The following ARHGEF40 variants were observed in gnomAD, a reference collection of about 807,000 sequenced individuals.
The protein encoded by ARHGEF40 is Rho guanine nucleotide exchange factor (GEF) 40.
In ARHGEF40, 98 loss-of-function variants were observed where a neutral mutation model predicts 165.9. The ratio of observed to expected loss-of-function variants is 0.59; its 90% CI spans 0.50 to 0.70. ARHGEF40 has a LOEUF of 0.70. Among genes scored for constraint, ARHGEF40 ranks in the 30% least tolerant of loss-of-function variants. ARHGEF40 has a pLI of 0.00. For missense variants in ARHGEF40, 1,815 were observed against 1,968.0 expected (o/e 0.92, Z 1.47); for synonymous variants, 792 against 814.3 (o/e 0.97, Z 0.47).
the ARHGEF40 span, among the ~76,000 whole-genome samples, chr14:21,061,662 G>A: frequency 2.0e-5 from 3 of 152,182 alleles, no homozygotes; most frequent in Non-Finnish European, 2.9e-5. Context: ...ATTTTCCAGT[G>A]GGTAAGTATG....
chr14:21,083,308 G>A (rs781078081), intron 16 of ARHGEF40, among the ~76,000 whole-genome samples: 5 of 151,990 alleles, frequency 3.3e-5, no homozygotes, highest in Admixed American at 2.0e-4. Context: ...TTGGGAGGCC[G>A]AGGCGGGTGG....
At chr14:21,086,786 A>C in intron 19 of ARHGEF40, 2 of 524,022 alleles carry the variant, frequency 3.8e-6, no homozygotes, top group Non-Finnish European at 3.5e-6. Context: ...ATTGGAGAGA[A>C]GAGCCAGATA....
chr14:21,080,854 C>G lies in ARHGEF40; in HGVS notation c.2497-19C>G, dbSNP rs550478396. On this transcript the variant is annotated intron_variant, in intron 12 of 23. Transcript: ENST00000298694. ...CCTAGGAGTGAGGACCAGGTCTGAG[C>G]GCAGCCTCCCTTCTCCAGGAGCGCC... The G allele has an allele frequency of 6.2e-7, 1 of 1,611,132 alleles. No individual in the cohort carries two copies. The highest frequency in any genetic ancestry group is 8.5e-7 in the Non-Finnish European group (1 of 1,178,460).
rs1261222723 is a variant in ARHGEF40 at position 21,089,570 on chromosome 14, G to T, written c.*562G>T. Reference sequence around the variant, plus strand: ...ACTTTGCCTCTAAGGAGCTAGAGTAGTCCTCTGGATTAAGGTGATAAATAA... The same window carrying T: ...ACTTTGCCTCTAAGGAGCTAGAGTATTCCTCTGGATTAAGGTGATAAATAA... On this transcript the variant is annotated 3_prime_UTR_variant, in exon 24 of 24. Coordinates refer to ENST00000298694, the MANE Select transcript of ARHGEF40 (RefSeq NM_018071.5). 2 of 152,648 alleles carry T rather than the reference G, an allele frequency of 1.3e-5. No individual in the cohort carries two copies. The highest frequency in any genetic ancestry group is 4.8e-5 in the African/African-American group (2 of 41,450). 9.5% of individuals were successfully genotyped at this position (152,648 alleles called of 1,614,324 possible). A position where few individuals can be genotyped will look rare whatever the true frequency, so the allele number is the denominator to read the frequency against.
At chr14:21,064,445 G>A in the ARHGEF40 span, among the ~76,000 whole-genome samples, 3 of 151,948 alleles carry the variant, frequency 2.0e-5, no homozygotes, top group Non-Finnish European at 4.4e-5. Flanking sequence ...GGGATTACAG[G>A]TGCACACTGC....
At position 21,075,403 on chromosome 14, in the gene ARHGEF40, G is replaced by A; in HGVS notation, c.1522G>A (p.Gly508Arg). 3 of 1,614,220 alleles carry A rather than the reference G, an allele frequency of 1.9e-6. No individual in the cohort carries two copies. Among genetic ancestry groups the A allele is most frequent in the Non-Finnish European group, 8.5e-7 (1 of 1,180,052 alleles). ...PPLETVQEGK[G>R]DNIPEEALAV... The stretch of plus-strand genomic sequence containing the variant: ...GCTGGAGACTGTGCAGGAAGGAAAA[G>A]GGGACAACATTCCAGAAGAGGCCCT... The change falls in exon 4 of 24, where the codon GGG becomes AGG. Residue 508 changes from glycine (G) to arginine (R), a missense_variant. Gly to Arg is a moderately radical substitution (Grantham distance 125). Transcript: ENST00000298694. The surrounding 1 kb of genome is among the most constrained non-coding windows in gnomAD (Gnocchi z 4.5).
Position 21,082,921 on chromosome 14 carries a change from AC to A in ARHGEF40, c.3573+5del. 1 of 1,613,888 alleles carries A rather than the reference AC, an allele frequency of 6.2e-7. No homozygotes were observed. The highest frequency in any genetic ancestry group is 8.5e-7 in the Non-Finnish European group (1 of 1,179,796). On this transcript the variant is annotated splice_donor_5th_base_variant and intron_variant, in intron 16 of 23. Transcript: ENST00000298694. ...TGCGCTCAGTCCCTTAAGCAAGGTA[AC>A]TTTTTCTCCAACCTTCAGGAGAAAA...
intron 15 of ARHGEF40, 96 bp downstream of exon 15, chr14:21,082,574 C>T: frequency 1.5e-6 from 2 of 1,352,664 alleles, no homozygotes; most frequent in Non-Finnish European, 2.0e-6. Context: ...GCCCTCTCCT[C>T]CCATGTGTGG....
chr14:21,078,793 C>T (rs1190433269), intron 10 of ARHGEF40, 91 bp from the exon 11 acceptor site: 8 of 1,534,592 alleles, frequency 5.2e-6, no homozygotes, highest in Non-Finnish European at 7.1e-6. Context: ...GCTATGCAAC[C>T]TCTCATGTTT....
rs1257254547 is a variant in ARHGEF40, at chr14:21,074,606, G to A, written c.876G>A (p.Gln292=). 1 of 1,569,444 alleles carries A rather than the reference G, an allele frequency of 6.4e-7. No individual in the cohort carries two copies. Among genetic ancestry groups the A allele is most frequent in the South Asian group, 1.2e-5 (1 of 85,980 alleles). The part of the protein sequence containing the change: ...RHRRHRAWMH[Q]KGLGPRGQDG... ...GGAGACACCGGGCGTGGATGCACCAGAAGGGCCTGGGGCCTCGGGGCCAGG... is the reference window on the plus strand; with the variant it reads ...GGAGACACCGGGCGTGGATGCACCAAAAGGGCCTGGGGCCTCGGGGCCAGG... The change falls in exon 3 of 24, where the codon CAG becomes CAA. Residue 292 remains glutamine (Q), a synonymous_variant. Transcript: ENST00000298694. This position sits in a 1 kb window ranked among gnomAD's most constrained non-coding sequence, Gnocchi z 4.8.
Position 21,082,102 on chromosome 14 carries a change from G to T in ARHGEF40, c.3234G>T (p.Glu1078Asp). ...GPWGVGTPRM[E>D]RKRSISAQQR... The stretch of plus-strand genomic sequence containing the variant: ...GGGGAGTAGGCACCCCCCGGATGGA[G>T]CGCAAGCGAAGCATCAGGTGAGATC... The change falls in exon 14 of 24, where the codon GAG (glutamate) becomes GAT (aspartate). Residue 1078 changes from glutamate (E) to aspartate (D), a missense_variant. Coordinates refer to ENST00000298694, the MANE Select transcript of ARHGEF40 (RefSeq NM_018071.5). 1 of 1,562,586 alleles carries T rather than the reference G, an allele frequency of 6.4e-7. No individual in the cohort carries two copies. The highest frequency in any genetic ancestry group is 8.7e-7 in the Non-Finnish European group (1 of 1,153,548).
At chr14:21,063,173 C>T in the ARHGEF40 span, among the ~76,000 whole-genome samples, 12 of 151,688 alleles carry the variant, frequency 7.9e-5, no homozygotes, top group African/African-American at 1.5e-4. Context: ...TTTTAAGCAA[C>T]CAGTTTCTTC....
In ARHGEF40 at chr14:21,075,082, C is replaced by T. The variant is rs1349372781; in HGVS notation, c.1352C>T (p.Ala451Val). ...PESEPKELKT[A>V]GEKEPQLSEA... ...TCTGAGCCAAAAGAGCTCAAAACAG[C>T]AGGCGAGAAAGAGCCTCAGCTCTCT... The change falls in exon 3 of 24, where the codon GCA (alanine) becomes GTA (valine). Residue 451 changes from alanine (A) to valine (V), a missense_variant. By Grantham distance (64) the Ala-to-Val change is moderately conservative. Transcript: ENST00000298694. The surrounding 1 kb of genome is among the most constrained non-coding windows in gnomAD (Gnocchi z 4.5). The T allele has an allele frequency of 1.2e-6, 2 of 1,614,124 alleles. No individual in the cohort carries two copies. Among genetic ancestry groups the T allele is most frequent in the Non-Finnish European group, 1.7e-6 (2 of 1,180,038 alleles).
Position 21,083,970 on chromosome 14 carries a change from G to A in ARHGEF40, c.3709G>A (p.Gly1237Arg). ...GCTCAGTTCTGAGTGCCGGGCCCTT[G>A]GGGCTGCTGTACAGCTGCTCCGGGA... ...PELSSECRAL[G>R]AAVQLLREQE... Residue 1237 changes from glycine to arginine, a missense_variant, in exon 17 of 24, where the codon GGG becomes AGG. Transcript: ENST00000298694. The A allele has an allele frequency of 6.2e-7, 1 of 1,613,716 alleles. No homozygotes were observed. The highest frequency in any genetic ancestry group is 8.5e-7 in the Non-Finnish European group (1 of 1,179,944).
At chr14:21,071,161 AC>A (rs1001121671) in intron 1 of ARHGEF40, among the ~76,000 whole-genome samples, 3 of 152,176 alleles carry the variant, frequency 2.0e-5, no homozygotes, top group African/African-American at 7.2e-5. Flanking sequence ...CCCTGCAGGG[AC>A]TAGGGGACCC....
At position 21,081,926 on chromosome 14, in the gene ARHGEF40, G is replaced by A. The variant is rs745334174; in HGVS notation, c.3058G>A (p.Gly1020Ser). Residue 1020 changes from glycine to serine, a missense_variant, in exon 14 of 24, where the codon GGC becomes AGC. Gly to Ser is a moderately conservative substitution (Grantham distance 56, BLOSUM62 0). Transcript: ENST00000298694. ...APCGEDYEEE[G>S]PELAPEAEGR... is the part of the protein sequence containing the mutation. ...ATGTGGAGAGGACTATGAGGAAGAG[G>A]GCCCTGAGCTGGCTCCAGAAGCAGA... 4 of 1,612,384 alleles carry A rather than the reference G, an allele frequency of 2.5e-6. No homozygotes were observed. The highest frequency in any genetic ancestry group is 1.3e-5 in the African/African-American group (1 of 75,016).
chr14:21,075,912 C>A lies in ARHGEF40; in HGVS notation c.1739+147C>A. The A allele has an allele frequency of 9.8e-7, 1 of 1,021,050 alleles. No homozygotes were observed. The highest frequency in any genetic ancestry group is 1.4e-6 in the Non-Finnish European group (1 of 717,724). The allele number at this position is 1,021,050 out of a possible 1,614,324, so 63.2% of individuals were successfully genotyped here. On this transcript the variant is annotated intron_variant, in intron 5 of 23. Transcript: ENST00000298694. This position sits in a 1 kb window ranked among gnomAD's most constrained non-coding sequence, Gnocchi z 4.5. ...AGACTTCAAGCCATTGACCTTTGGC[C>A]TTACTTACCCTGACCTCCAGCTTCA...
At position 21,074,477 on chromosome 14, in the gene ARHGEF40, G is replaced by A. The variant is rs775301243; in HGVS notation, c.747G>A (p.Thr249=). The A allele has an allele frequency of 7.6e-6, 12 of 1,569,684 alleles. No homozygotes were observed. Among genetic ancestry groups the A allele is most frequent in the Non-Finnish European group, 9.5e-6 (11 of 1,157,410 alleles). ...EGEYVELLEV[T]LPVRGSPTDA... ...AGTATGTGGAGCTGTTAGAGGTGAC[G>A]CTGCCCGTGAGGGGGAGCCCAACAG... Residue 249 remains threonine (T), a synonymous_variant, in exon 3 of 24, where the codon ACG becomes ACA. Transcript: ENST00000298694. The surrounding 1 kb of genome is among the most constrained non-coding windows in gnomAD (Gnocchi z 4.8).
chr14:21,077,510 T>C (rs183948858), intron 8 of ARHGEF40, among the ~76,000 whole-genome samples: 8 of 152,158 alleles, frequency 5.3e-5, no homozygotes, highest in South Asian at 2.1e-4. Flanking sequence ...GATAGTGTCA[T>C]TGGGTTTCTG....
Sources: allele counts gnomAD v4.1 joint callset (sites outside exome capture counted in the v4.1 genomes callset), GRCh38; gene constraint gnomAD v4.1.1; non-coding constraint Gnocchi (gnomAD v3.1); transcripts MANE v1.5; gene names NCBI Gene and HGNC (gene_info 2026-07-23, HGNC 2026-07-21).